RCL1: variants seen among roughly 807,000 people sequenced by gnomAD.
RCL1 encodes the protein RNA terminal phosphate cyclase like 1.
In RCL1, 24 loss-of-function variants were observed where a neutral mutation model predicts 42.4. The ratio of observed to expected loss-of-function variants is 0.57; its 90% CI spans 0.41 to 0.80. The LOEUF (loss-of-function observed/expected upper bound fraction) is 0.80, where lower values mean the gene tolerates loss of function less well. Among genes scored for constraint, RCL1 ranks in the 30% least tolerant of loss-of-function variants. RCL1 has a pLI of 0.00. For synonymous variants in RCL1, 228 were observed against 177.3 expected (o/e 1.29, Z -2.27); for missense variants, 578 against 467.9 (o/e 1.24, Z -2.17).
chr9:4,842,901 G>A lies in RCL1; in HGVS notation c.710+1544G>A, dbSNP rs143597847. 5.9e-5 allele frequency among the ~76,000 whole-genome samples: 9 copies of A among 152,320 alleles called. No individual in the cohort carries two copies. The East Asian group carries it at 1.5e-3, about 26-fold the overall frequency. Reference sequence around the variant, plus strand: ...AGTGTCCTGGCATGAAGCAGAGCAGGCCTGACAGCCATCCTGCCACCAGCT... The same window carrying A: ...AGTGTCCTGGCATGAAGCAGAGCAGACCTGACAGCCATCCTGCCACCAGCT... On this transcript the variant is annotated intron_variant, in intron 6 of 8. Coordinates refer to ENST00000381750, the MANE Select transcript of RCL1 (RefSeq NM_005772.5).
intron 1 of RCL1, among the ~76,000 whole-genome samples, chr9:4,796,194 T>C (rs1842911250): frequency 6.6e-6 from 1 of 152,196 alleles, no homozygotes; most frequent in Admixed American, 6.5e-5. Flanking sequence ...ATCCAAATAG[T>C]GAACATCGTA....
intron 6 of RCL1, among the ~76,000 whole-genome samples, chr9:4,842,562 C>T (rs952068225): frequency 6.6e-6 from 1 of 152,154 alleles, no homozygotes; most frequent in Non-Finnish European, 1.5e-5. Context: ...GGTTTATATT[C>T]TAGTAACAAC....
intron 1 of RCL1, among the ~76,000 whole-genome samples, chr9:4,810,434 A>G (rs899937819): frequency 6.6e-5 from 10 of 152,238 alleles, no homozygotes; most frequent in Non-Finnish European, 1.3e-4. Flanking sequence ...GGAATCATAT[A>G]GTACGTAATT....
intron 5 of RCL1, among the ~76,000 whole-genome samples, chr9:4,836,962 C>T (rs893997726): frequency 9.2e-5 from 14 of 152,264 alleles, no homozygotes; most frequent in Non-Finnish European, 1.5e-4. Flanking sequence ...CCCATGTAAG[C>T]GCCCAGCCTT....
At chr9:4,818,229 A>T (rs1398318705) in intron 1 of RCL1, among the ~76,000 whole-genome samples, 1 of 152,066 alleles carries the variant, frequency 6.6e-6, no homozygotes, top group East Asian at 1.9e-4. Flanking sequence ...CCCAGTTGCT[A>T]AGATTTTTAA....
intron 1 of RCL1, among the ~76,000 whole-genome samples, chr9:4,817,172 A>G (rs1816411723): frequency 6.6e-6 from 1 of 152,132 alleles, no homozygotes; most frequent in African/African-American, 2.4e-5. Flanking sequence ...TGACTTCATC[A>G]GCGACCTTTT....
At chr9:4,799,901 C>T (rs534552602) in intron 1 of RCL1, among the ~76,000 whole-genome samples, 59 of 152,266 alleles carry the variant, frequency 3.9e-4, no homozygotes, top group African/African-American at 1.4e-3. Context: ...CCGTGGTAGG[C>T]ATGGTGACTA....
At chr9:4,837,614 C>T (rs948823218) in intron 5 of RCL1, among the ~76,000 whole-genome samples, 26 of 152,216 alleles carry the variant, frequency 1.7e-4, no homozygotes, top group African/African-American at 5.8e-4. Context: ...CAGTGGGGTC[C>T]CCCTTGTTCT....
intron 1 of RCL1, among the ~76,000 whole-genome samples, chr9:4,806,052 G>GTT (rs1266611172): frequency 6.8e-6 from 1 of 146,534 alleles, no homozygotes. Context: ...GTGTTTGTGT[G>GTT]TGTGTGTGTG....
intron 7 of RCL1, among the ~76,000 whole-genome samples, chr9:4,847,203 A>T (rs1474409169): frequency 6.6e-6 from 1 of 152,030 alleles, no homozygotes; most frequent in Non-Finnish European, 1.5e-5. Context: ...GTTGAGATCT[A>T]CTTTCAGTCT....
intron 1 of RCL1, among the ~76,000 whole-genome samples, chr9:4,817,414 T>A (rs966080076): frequency 3.9e-5 from 6 of 151,970 alleles, no homozygotes; most frequent in Non-Finnish European, 5.9e-5. Context: ...TACAAATAAG[T>A]AAAGTGGTCG....
At position 4,849,512 on chromosome 9, in the gene RCL1, T is replaced by C. The variant is rs899917401; in HGVS notation, c.933T>C (p.Asp311=). ...TACTCATGACCCTTGGACAGCAGGA[T>C]GTTTCCAAAGTCCTGCTAGGCCCTC... ...ALLLMTLGQQ[D]VSKVLLGPLS... The change falls in exon 8 of 9, where the codon GAT becomes GAC. Residue 311 remains aspartate, a synonymous_variant. Transcript: ENST00000381750. 6.2e-7 allele frequency: 1 copy of C among 1,613,870 alleles called. No individual in the cohort carries two copies. Among genetic ancestry groups the C allele is most frequent in the Admixed American group, 1.7e-5 (1 of 60,018 alleles).
rs1214924010 is a variant in RCL1, at chr9:4,860,600, T to TACTATCATAGGCTTCCTCAGCCC, written c.*326_*348dup. On this transcript the variant is annotated 3_prime_UTR_variant, in exon 9 of 9. Coordinates refer to ENST00000381750, the MANE Select transcript of RCL1 (RefSeq NM_005772.5). The stretch of plus-strand genomic sequence containing the variant: ...GCAGTTCAGCTGTGCTTCCTCAGCC[T>TACTATCATAGGCTTCCTCAGCCC]ACTATCATAGGCTTCCTCAGCCCTC... 8 of 245,244 alleles carry TACTATCATAGGCTTCCTCAGCCC rather than the reference T, an allele frequency of 3.3e-5. No homozygotes were observed. The highest frequency in any genetic ancestry group is 3.1e-5 in the Non-Finnish European group (4 of 129,246). 15.2% of individuals were successfully genotyped at this position (245,244 alleles called of 1,614,324 possible).
chr9:4,840,313 G>C (rs1250795037), intron 5 of RCL1, among the ~76,000 whole-genome samples: 1 of 152,248 alleles, frequency 6.6e-6, no homozygotes, highest in Non-Finnish European at 1.5e-5. Context: ...TATCAGGGTA[G>C]TGGGAAGGTC....
chr9:4,844,801 T>C, intron 7 of RCL1, 120 bp downstream of exon 7: 1 of 1,006,362 alleles, frequency 9.9e-7, no homozygotes, highest in East Asian at 2.5e-5. Context: ...AATCTGTTCC[T>C]GTGCATTAAG....
chr9:4,832,318 C>A (rs1233565241), intron 3 of RCL1, among the ~76,000 whole-genome samples: 1 of 152,188 alleles, frequency 6.6e-6, no homozygotes, highest in Non-Finnish European at 1.5e-5. Context: ...GACTCCCCAA[C>A]TCCCATGTAA....
chr9:4,851,737 T>TA (rs33921110), intron 8 of RCL1, among the ~76,000 whole-genome samples: 48,895 of 148,448 alleles, frequency 0.33, 8,047 homozygotes, highest in South Asian at 0.46. Flanking sequence ...TTCCTTGGTT[T>TA]AAAAAAAAAA....
chr9:4,852,429 C>G (rs1817783854), intron 8 of RCL1, among the ~76,000 whole-genome samples: 2 of 152,134 alleles, frequency 1.3e-5, no homozygotes, highest in South Asian at 4.1e-4. Flanking sequence ...TTAATTAGCA[C>G]TTTCAGAAAT....
chr9:4,810,363 G>A lies in RCL1; in HGVS notation c.137-13185G>A, dbSNP rs375842107. The stretch of plus-strand genomic sequence containing the variant: ...CCATTCCCTCCCACTGCCAAGGTAA[G>A]CATTAAATTTTTAACACCATGGATT... On this transcript the variant is annotated intron_variant, in intron 1 of 8. Transcript: ENST00000381750. Among the ~76,000 whole-genome samples, 45 of 152,164 alleles carry A rather than the reference G, an allele frequency of 3.0e-4. No homozygotes were observed. The East Asian group carries it at 5.4e-3, about 18-fold the overall frequency.
Sources: gnomAD v4.1 joint callset for allele counts (sites outside exome capture counted in the v4.1 genomes callset) on GRCh38, gnomAD v4.1.1 for gene constraint, MANE v1.5 for transcripts, NCBI Gene and HGNC (gene_info 2026-07-23, HGNC 2026-07-21) for gene names.